FBXW7: variants seen among roughly 807,000 people sequenced by gnomAD.
The protein encoded by FBXW7 is F-box/WD repeat-containing protein 7.
A neutral mutation model predicts 86.3 loss-of-function variants in FBXW7; 11 were observed. The ratio of observed to expected loss-of-function variants is 0.13; its 90% CI spans 0.08 to 0.21. FBXW7 has a LOEUF of 0.21. Ranked by LOEUF, FBXW7 falls within the 10% of genes least tolerant of loss-of-function variation. FBXW7 has a pLI of 1.00. For missense variants in FBXW7, 488 were observed against 847.4 expected, an observed-to-expected ratio of 0.58 and a Z score of 5.27; for synonymous variants, 313 against 297.9, an observed-to-expected ratio of 1.05 and a Z score of -0.52.
intron 2 of FBXW7, among the ~76,000 whole-genome samples, chr4:152,428,865 G>A (rs565005734): frequency 2.6e-5 from 4 of 152,296 alleles, no homozygotes; most frequent in South Asian, 4.1e-4. Context: ...ATAATCAAAT[G>A]TAAGTATAGA....
chr4:152,457,409 G>A (rs571040378), intron 2 of FBXW7, among the ~76,000 whole-genome samples: 11 of 152,228 alleles, frequency 7.2e-5, no homozygotes, highest in East Asian at 1.9e-4. Flanking sequence ...CTGGGAGGCC[G>A]AGGCAGGCGG....
chr4:152,513,830 T>C (rs1037055623), intron 2 of FBXW7, among the ~76,000 whole-genome samples: 6 of 152,264 alleles, frequency 3.9e-5, no homozygotes, highest in Non-Finnish European at 5.9e-5. Context: ...AAAGACAATT[T>C]CTTGTGGAGT....
intron 4 of FBXW7, among the ~76,000 whole-genome samples, chr4:152,375,960 T>C (rs751176531): frequency 6.6e-6 from 1 of 152,114 alleles, no homozygotes; most frequent in Non-Finnish European, 1.5e-5. Flanking sequence ...AATTACGATA[T>C]ATTTATATGG....
intron 2 of FBXW7, among the ~76,000 whole-genome samples, chr4:152,513,851 T>C (rs1459861488): frequency 2.6e-5 from 4 of 152,268 alleles, no homozygotes; most frequent in Non-Finnish European, 4.4e-5. Context: ...CCACATGCTA[T>C]TGTCTTTTCC....
chr4:152,382,971 T>G (rs13105273), intron 4 of FBXW7, among the ~76,000 whole-genome samples: 2,185 of 152,174 alleles, frequency 0.014, 18 homozygotes, highest in Middle Eastern at 0.024. Context: ...TCTTTCCCTT[T>G]TCCATACACA....
chr4:152,459,147 T>C (rs1156445151), intron 2 of FBXW7, among the ~76,000 whole-genome samples: 1 of 152,144 alleles, frequency 6.6e-6, no homozygotes, highest in East Asian at 1.9e-4. Context: ...CCCAAAACAG[T>C]ACAGCTGGTT....
chr4:152,408,348 T>TA (rs1737615559), intron 4 of FBXW7, among the ~76,000 whole-genome samples: 1 of 152,180 alleles, frequency 6.6e-6, no homozygotes. Flanking sequence ...ACAACTTTTT[T>TA]TAAAAAAATA....
At chr4:152,448,116 A>G (rs1053102993) in intron 2 of FBXW7, among the ~76,000 whole-genome samples, 2 of 152,246 alleles carry the variant, frequency 1.3e-5, no homozygotes, top group Non-Finnish European at 2.9e-5. Context: ...AATCTTTAAA[A>G]TAAGTGCTGC....
chr4:152,527,935 A>G (rs74935997), intron 2 of FBXW7, among the ~76,000 whole-genome samples: 2,423 of 151,802 alleles, frequency 0.016, 75 homozygotes, highest in African/African-American at 0.056. Flanking sequence ...TTCTTCCAAA[A>G]ACAAACCAAC....
At chr4:152,462,228 TC>T (rs1465240565) in intron 2 of FBXW7, among the ~76,000 whole-genome samples, 1 of 152,186 alleles carries the variant, frequency 6.6e-6, no homozygotes, top group Non-Finnish European at 1.5e-5. Context: ...CAGTGTTTGT[TC>T]CCTAAATTTT....
At chr4:152,476,815 C>T (rs1454891951) in intron 2 of FBXW7, among the ~76,000 whole-genome samples, 1 of 152,188 alleles carries the variant, frequency 6.6e-6, no homozygotes, top group East Asian at 1.9e-4. Context: ...AGACACTCAA[C>T]TACCCTTTTG....
intron 2 of FBXW7, among the ~76,000 whole-genome samples, chr4:152,475,620 T>C (rs998978544): frequency 3.9e-5 from 6 of 152,210 alleles, no homozygotes; most frequent in African/African-American, 9.6e-5. Context: ...GTTGTCTATA[T>C]AGAAAATCCA....
intron 4 of FBXW7, among the ~76,000 whole-genome samples, chr4:152,387,821 G>C (rs1735672062): frequency 6.9e-6 from 1 of 145,764 alleles, no homozygotes; most frequent in African/African-American, 2.5e-5. Flanking sequence ...CAATTCTCCT[G>C]CCTCAGTCTC....
chr4:152,484,561 C>T (rs1745176564), intron 2 of FBXW7, among the ~76,000 whole-genome samples: 1 of 152,188 alleles, frequency 6.6e-6, no homozygotes, highest in African/African-American at 2.4e-5. Context: ...TGCAGAACAA[C>T]TTACATGTGG....
chr4:152,340,451 C>T (rs887326144), intron 6 of FBXW7, among the ~76,000 whole-genome samples: 196 of 151,588 alleles, frequency 1.3e-3, no homozygotes, highest in African/African-American at 4.4e-3. Flanking sequence ...TCGTGGCGGG[C>T]GCCTGTAGTC....
intron 2 of FBXW7, among the ~76,000 whole-genome samples, chr4:152,442,824 T>C (rs1369088897): frequency 6.6e-6 from 1 of 152,218 alleles, no homozygotes; most frequent in African/African-American, 2.4e-5. Flanking sequence ...GTCTTTAAGT[T>C]AGACATTACT....
chr4:152,503,838 T>C (rs1560976533), intron 2 of FBXW7, among the ~76,000 whole-genome samples: 1 of 152,220 alleles, frequency 6.6e-6, no homozygotes, highest in Non-Finnish European at 1.5e-5. Context: ...ATTGAAAATA[T>C]CTGTGTTCAG....
chr4:152,465,985 G>A (rs1198113873), intron 2 of FBXW7, among the ~76,000 whole-genome samples: 1 of 151,946 alleles, frequency 6.6e-6, no homozygotes, highest in Non-Finnish European at 1.5e-5. Flanking sequence ...AAAATAGGCC[G>A]TTATTTGAAG....
chr4:152,441,140 G>A (rs76401067), intron 2 of FBXW7, among the ~76,000 whole-genome samples: 2,085 of 152,216 alleles, frequency 0.014, 26 homozygotes, highest in Middle Eastern at 0.037. Flanking sequence ...ATATGGCTAA[G>A]TATGTTCCTC....
Sources: gnomAD v4.1 joint callset for allele counts (sites outside exome capture counted in the v4.1 genomes callset) on GRCh38, gnomAD v4.1.1 for gene constraint, MANE v1.5 for transcripts, NCBI Gene and HGNC (gene_info 2026-07-23, HGNC 2026-07-21) for gene names.